Variants in PTPRJ observed in about 807,000 individuals in gnomAD.
PTPRJ encodes receptor-type tyrosine-protein phosphatase eta.
Under a neutral mutation model 141.3 loss-of-function variants are expected in PTPRJ, and 129 were observed. That is an observed-to-expected ratio of 0.91 (90% CI 0.79 to 1.06). The LOEUF is 1.06. Ranked by LOEUF, PTPRJ falls within the 50% of genes least tolerant of loss-of-function variation. The pLI is 0.00. For missense variants in PTPRJ, 1,601 were observed against 1,679.7 expected (o/e 0.95, Z 0.82); for synonymous variants, 610 against 640.5 (o/e 0.95, Z 0.72).
chr11:48,118,720 A>T (rs1358804763), intron 3 of PTPRJ, among the ~76,000 whole-genome samples: 2 of 152,242 alleles, frequency 1.3e-5, no homozygotes, highest in African/African-American at 4.8e-5. Flanking sequence ...ATTTCAGTAG[A>T]TGCAGAAAAA....
At chr11:48,065,498 T>C (rs1443684448) in intron 1 of PTPRJ, among the ~76,000 whole-genome samples, 3 of 152,208 alleles carry the variant, frequency 2.0e-5, no homozygotes, top group Non-Finnish European at 4.4e-5. Flanking sequence ...TCTAGAAACA[T>C]CTGTAAGTCT....
intron 1 of PTPRJ, among the ~76,000 whole-genome samples, chr11:48,079,978 CA>C (rs1024468443): frequency 6.6e-6 from 1 of 152,186 alleles, no homozygotes; most frequent in Non-Finnish European, 1.5e-5. Context: ...AGAGAAGAGG[CA>C]TGATTTTCAC....
intron 1 of PTPRJ, among the ~76,000 whole-genome samples, chr11:48,053,232 T>A (rs1854631398): frequency 1.1e-5 from 1 of 89,364 alleles, no homozygotes; most frequent in Non-Finnish European, 2.0e-5. Flanking sequence ...AAATATATTA[T>A]ATATAATATA....
At chr11:48,022,225 GAGGCCGAGGC>G (rs1340583271) in intron 1 of PTPRJ, among the ~76,000 whole-genome samples, 1 of 152,056 alleles carries the variant, frequency 6.6e-6, no homozygotes, top group Admixed American at 6.6e-5. Flanking sequence ...AGCACTTTGG[GAGGCCGAGGC>G]AGGCAGATCA....
chr11:48,058,957 T>G lies in PTPRJ; in HGVS notation c.97-51101T>G, dbSNP rs550979865. On this transcript the variant is annotated intron_variant, in intron 1 of 24. Transcript: ENST00000418331. ...TAGTTTCTAGAACACGTCACGTTCA[T>G]GCCTGCCTCTGGGCTTTGCATGGGC... 4.6e-5 allele frequency among the ~76,000 whole-genome samples: 7 copies of G among 152,192 alleles called. No homozygotes were observed. The South Asian group carries it at 1.5e-3, about 32-fold the overall frequency.
chr11:48,060,656 C>T (rs193251726), intron 1 of PTPRJ, among the ~76,000 whole-genome samples: 10 of 152,300 alleles, frequency 6.6e-5, no homozygotes, highest in East Asian at 1.9e-4. Context: ...ATCACCTCAA[C>T]GAATTTGTTA....
At chr11:48,069,156 G>C (rs1398249270) in intron 1 of PTPRJ, among the ~76,000 whole-genome samples, 1 of 151,058 alleles carries the variant, frequency 6.6e-6, no homozygotes, top group African/African-American at 2.4e-5. Context: ...CTGGAGTGCA[G>C]TGGGGTGATC....
chr11:48,006,411 G>C (rs1854625033), intron 1 of PTPRJ, among the ~76,000 whole-genome samples: 1 of 152,142 alleles, frequency 6.6e-6, no homozygotes, highest in Admixed American at 6.5e-5. Flanking sequence ...GCAGGTGCAG[G>C]CAGGTGTGGG....
At chr11:48,125,958 G>C (rs1319831824) in intron 6 of PTPRJ, among the ~76,000 whole-genome samples, 2 of 152,192 alleles carry the variant, frequency 1.3e-5, no homozygotes, top group Non-Finnish European at 2.9e-5. Context: ...GGGGCCTGCA[G>C]TGACCTGGCA....
intron 3 of PTPRJ, among the ~76,000 whole-genome samples, chr11:48,120,294 C>G (rs1856671725): frequency 6.6e-6 from 1 of 152,170 alleles, no homozygotes; most frequent in Admixed American, 6.5e-5. Context: ...TGCTCTGTCC[C>G]TGCTATCTTT....
At chr11:48,044,400 T>C (rs967788371) in intron 1 of PTPRJ, among the ~76,000 whole-genome samples, 5 of 152,152 alleles carry the variant, frequency 3.3e-5, no homozygotes, top group African/African-American at 7.2e-5. Context: ...CTAAGAGGAA[T>C]TGGATCACCC....
intron 18 of PTPRJ, among the ~76,000 whole-genome samples, chr11:48,153,544 G>C (rs1316110835): frequency 6.7e-6 from 1 of 149,906 alleles, no homozygotes; most frequent in Non-Finnish European, 1.5e-5. Flanking sequence ...GGAGGGGCAA[G>C]GAGGCATCTG....
chr11:48,142,257 A>G (rs1857249037), intron 11 of PTPRJ, among the ~76,000 whole-genome samples: 1 of 152,224 alleles, frequency 6.6e-6, no homozygotes, highest in East Asian at 1.9e-4. Flanking sequence ...CTTTGAATAA[A>G]TATATCTTGA....
At chr11:48,013,640 A>C (rs1244928338) in intron 1 of PTPRJ, among the ~76,000 whole-genome samples, 1 of 152,068 alleles carries the variant, frequency 6.6e-6, no homozygotes, top group Non-Finnish European at 1.5e-5. Flanking sequence ...GGTGGCATCA[A>C]CCTGCAGAGG....
At chr11:47,988,879 GTTTTT>G (rs869194701) in intron 1 of PTPRJ, among the ~76,000 whole-genome samples, 58 of 76,332 alleles carry the variant, frequency 7.6e-4, no homozygotes, top group African/African-American at 3.7e-3. Context: ...ATTGTATCTT[GTTTTT>G]TTTTTTTTTT....
intron 1 of PTPRJ, among the ~76,000 whole-genome samples, chr11:48,045,281 G>A (rs1034344665): frequency 1.3e-5 from 2 of 152,184 alleles, no homozygotes; most frequent in Non-Finnish European, 2.9e-5. Flanking sequence ...GTCCCCAAGC[G>A]AGCAGAGGCA....
chr11:48,083,184 T>C (rs1590480009), intron 1 of PTPRJ, among the ~76,000 whole-genome samples: 1 of 152,108 alleles, frequency 6.6e-6, no homozygotes, highest in African/African-American at 2.4e-5. Flanking sequence ...CCAGCACTTT[T>C]GGAGGCCGAG....
intron 1 of PTPRJ, among the ~76,000 whole-genome samples, chr11:48,032,770 A>G (rs1363906952): frequency 1.3e-5 from 2 of 152,206 alleles, no homozygotes; most frequent in Admixed American, 6.5e-5. Context: ...AAAAAACAAA[A>G]CAAAAACAAC....
At chr11:48,072,570 C>T (rs577712791) in intron 1 of PTPRJ, among the ~76,000 whole-genome samples, 2 of 152,174 alleles carry the variant, frequency 1.3e-5, no homozygotes, top group Non-Finnish European at 2.9e-5. Context: ...TGTATTTTTT[C>T]CAACAATCCT....
Sources: gnomAD v4.1 joint callset for allele counts (sites outside exome capture counted in the v4.1 genomes callset) on GRCh38, gnomAD v4.1.1 for gene constraint, MANE v1.5 for transcripts, NCBI Gene and HGNC (gene_info 2026-07-23, HGNC 2026-07-21) for gene names.